Variants in SCARA5 observed in about 807,000 individuals in gnomAD.
SCARA5 encodes scavenger receptor class A, member 5 (putative).
SCARA5 carries 45 observed loss-of-function variants against 46.3 expected under a neutral mutation model. That is an observed-to-expected ratio of 0.97 (90% CI 0.76 to 1.24). The LOEUF (loss-of-function observed/expected upper bound fraction) is 1.24. SCARA5 is among the 50% of genes most tolerant of loss of function. The pLI, the probability that SCARA5 is intolerant of heterozygous loss-of-function variation, is 0.00. For synonymous variants in SCARA5, 333 were observed against 306.5 expected (o/e 1.09, Z -0.90); for missense variants, 680 against 689.0 (o/e 0.99, Z 0.15).
At chr8:27,953,557 G>A (rs893005079) in intron 3 of SCARA5, among the ~76,000 whole-genome samples, 1 of 152,370 alleles carries the variant, frequency 6.6e-6, no homozygotes, top group Admixed American at 6.5e-5. Flanking sequence ...GGGACAGTGA[G>A]TTTGGGTTTG....
intron 7 of SCARA5, among the ~76,000 whole-genome samples, chr8:27,891,250 G>A (rs1418726202): frequency 6.6e-6 from 1 of 151,010 alleles, no homozygotes; most frequent in African/African-American, 2.4e-5. Context: ...CTGTCATCCA[G>A]GCTGGAGTGC....
chr8:27,907,280 G>C, intron 5 of SCARA5, 34 bp from the exon 6 acceptor site: 2 of 1,518,500 alleles, frequency 1.3e-6, no homozygotes, highest in Non-Finnish European at 1.8e-6. Context: ...CAGAGCCTCA[G>C]ATGCAGAACA....
At chr8:27,977,696 A>G (rs1808547503) in intron 2 of SCARA5, among the ~76,000 whole-genome samples, 2 of 152,178 alleles carry the variant, frequency 1.3e-5, no homozygotes, top group Admixed American at 1.3e-4. Context: ...CCTCCCGGTT[A>G]AGAGCCACCT....
At chr8:27,888,480 A>G (rs2129697294) in intron 7 of SCARA5, among the ~76,000 whole-genome samples, 1 of 152,328 alleles carries the variant, frequency 6.6e-6, no homozygotes, top group Admixed American at 6.5e-5. Flanking sequence ...AATGTATAAC[A>G]TCCATGTCTT....
At chr8:27,979,787 C>T (rs1400690669) in intron 2 of SCARA5, among the ~76,000 whole-genome samples, 2 of 152,118 alleles carry the variant, frequency 1.3e-5, no homozygotes, top group Non-Finnish European at 2.9e-5. Flanking sequence ...TCTCAAACTC[C>T]TGAGTTCAGG....
In SCARA5 at chr8:27,904,878, C is replaced by T. The variant is rs749524267; in HGVS notation, c.1097-44G>A. On this transcript the variant is annotated intron_variant, in intron 6 of 8. Transcript: ENST00000354914. ...CTGGCATTAGAAATGGAAAGAAATC[C>T]TAATTGTGAATAAAATATTACCTGC... is the stretch of plus-strand genomic sequence containing the variant. 5 of 1,480,748 alleles carry T rather than the reference C, an allele frequency of 3.4e-6. No individual in the cohort carries two copies. In the South Asian group the frequency reaches 6.0e-5, roughly 18 times the overall value. The allele number at this position is 1,480,748 out of a possible 1,614,324, so 91.7% of individuals were successfully genotyped here. A position where few individuals can be genotyped will look rare whatever the true frequency, so the allele number is the denominator to read the frequency against.
rs568931536 is a variant in SCARA5, at chr8:27,916,850, C to A, written c.916+4721G>T. Among the ~76,000 whole-genome samples, 4 of 152,226 alleles carry A rather than the reference C, an allele frequency of 2.6e-5. No individual in the cohort carries two copies. The South Asian group carries it at 6.2e-4, about 24-fold the overall frequency. On this transcript the variant is annotated intron_variant, in intron 4 of 8. Coordinates refer to ENST00000354914, the MANE Select transcript of SCARA5 (RefSeq NM_173833.6). ...CAGTGATCTGAGTGTTTGCATCCCC[C>A]CCGATTTCATATGTTGCAACCTAAT... is the stretch of plus-strand genomic sequence containing the variant.
intron 3 of SCARA5, among the ~76,000 whole-genome samples, chr8:27,954,012 G>A (rs934385110): frequency 6.6e-6 from 1 of 152,168 alleles, no homozygotes; most frequent in Non-Finnish European, 1.5e-5. Flanking sequence ...CTGCCACCCT[G>A]AGCAGGACAC....
intron 4 of SCARA5, among the ~76,000 whole-genome samples, chr8:27,915,136 T>A (rs1032822185): frequency 7.2e-5 from 11 of 152,092 alleles, no homozygotes; most frequent in Non-Finnish European, 2.9e-5. Context: ...TACCCTCAAG[T>A]CACCAGGGCC....
chr8:27,882,781 T>C (rs1806831376), intron 7 of SCARA5, among the ~76,000 whole-genome samples: 1 of 152,236 alleles, frequency 6.6e-6, no homozygotes, highest in Admixed American at 6.5e-5. Context: ...TGGCAAATTA[T>C]ATCAAGTGCC....
At chr8:27,939,977 G>A (rs1166328082) in intron 3 of SCARA5, among the ~76,000 whole-genome samples, 1 of 152,182 alleles carries the variant, frequency 6.6e-6, no homozygotes, top group Non-Finnish European at 1.5e-5. Flanking sequence ...TTTTTCTCCA[G>A]TCTGCCTCCT....
intron 7 of SCARA5, among the ~76,000 whole-genome samples, chr8:27,889,515 G>C (rs1806949973): frequency 6.7e-6 from 1 of 149,404 alleles, no homozygotes; most frequent in South Asian, 2.1e-4. Context: ...GCCTGAACTT[G>C]AGACTTAGCC....
intron 3 of SCARA5, among the ~76,000 whole-genome samples, chr8:27,945,409 T>A (rs968602607): frequency 1.3e-5 from 2 of 152,226 alleles, no homozygotes; most frequent in Admixed American, 6.5e-5. Flanking sequence ...CTACTTCATG[T>A]GTGTCCATAT....
intron 3 of SCARA5, among the ~76,000 whole-genome samples, chr8:27,936,898 CAG>C (rs1807866469): frequency 6.6e-6 from 1 of 152,140 alleles, no homozygotes; most frequent in East Asian, 1.9e-4. Flanking sequence ...GTGGTCTAGG[CAG>C]AGTCTGTGAC....
At chr8:27,962,119 C>A (rs1808302718) in intron 3 of SCARA5, among the ~76,000 whole-genome samples, 1 of 152,146 alleles carries the variant, frequency 6.6e-6, no homozygotes, top group Admixed American at 6.5e-5. Context: ...CCGAATGAAG[C>A]CAGGAAGGAG....
intron 2 of SCARA5, among the ~76,000 whole-genome samples, chr8:27,984,389 T>C (rs1808668072): frequency 6.6e-6 from 1 of 152,352 alleles, no homozygotes; most frequent in Non-Finnish European, 1.5e-5. Context: ...GGAATGAAGA[T>C]GGACCCAGAG....
intron 4 of SCARA5, among the ~76,000 whole-genome samples, chr8:27,920,923 C>T (rs1477800591): frequency 1.3e-5 from 2 of 152,112 alleles, no homozygotes; most frequent in African/African-American, 4.8e-5. Flanking sequence ...TTGCAGTGAG[C>T]TGAGATCAAG....
At chr8:27,926,389 T>A (rs1186643755) in intron 3 of SCARA5, among the ~76,000 whole-genome samples, 4 of 152,050 alleles carry the variant, frequency 2.6e-5, no homozygotes, top group African/African-American at 9.7e-5. Context: ...TAGGTGGGAA[T>A]TGAACAAGGA....
chr8:27,930,645 G>A (rs1181646497), intron 3 of SCARA5, among the ~76,000 whole-genome samples: 7 of 152,020 alleles, frequency 4.6e-5, no homozygotes, highest in Admixed American at 2.6e-4. Flanking sequence ...CAGGTGATCC[G>A]CCCCCCTCGG....
Sources: gnomAD v4.1 joint callset for allele counts (sites outside exome capture counted in the v4.1 genomes callset) on GRCh38, gnomAD v4.1.1 for gene constraint, MANE v1.5 for transcripts, NCBI Gene and HGNC (gene_info 2026-07-23, HGNC 2026-07-21) for gene names.